Variants in TEAD1 observed in about 807,000 individuals in gnomAD.
The protein encoded by TEAD1 is transcriptional enhancer factor TEF-1.
TEAD1 carries 9 observed loss-of-function variants against 54.9 expected under a neutral mutation model. The ratio of observed to expected loss-of-function variants is 0.16; its 90% CI spans 0.10 to 0.29. The LOEUF (loss-of-function observed/expected upper bound fraction) is 0.29. TEAD1 is among the 10% of genes least tolerant of loss of function. The probability of loss-of-function intolerance (pLI) is 1.00; values close to 1 mark genes in which losing one functional copy is unlikely to be tolerated. For missense variants in TEAD1, 387 were observed against 535.9 expected (o/e 0.72, Z 2.74); for synonymous variants, 200 against 187.8 (o/e 1.07, Z -0.53).
rs1172858032 is a variant in TEAD1, at chr11:12,940,876, T to G, written c.*3654T>G. On this transcript the variant is annotated 3_prime_UTR_variant, in exon 13 of 13. Coordinates refer to ENST00000527636, the MANE Select transcript of TEAD1 (RefSeq NM_021961.6). Reference sequence around the variant, plus strand: ...CTCTGGAACATTTCACCTTTAGAGATGGAGGATGGAAGGATTGGTACCAGA... The same window carrying G: ...CTCTGGAACATTTCACCTTTAGAGAGGGAGGATGGAAGGATTGGTACCAGA... 6.6e-6 allele frequency: 1 copy of G among 152,188 alleles called. No homozygotes were observed. The highest frequency in any genetic ancestry group is 2.4e-5 in the African/African-American group (1 of 41,446). The allele number at this position is 152,188 out of a possible 1,614,324, so 9.4% of individuals were successfully genotyped here.
At position 12,923,777 on chromosome 11, in the gene TEAD1, T is replaced by C. The variant is rs760383770; in HGVS notation, c.874-1135T>C. 7.9e-5 allele frequency among the ~76,000 whole-genome samples: 12 copies of C among 152,194 alleles called. No homozygotes were observed. In the East Asian group the frequency reaches 1.2e-3, roughly 15 times the overall value. ...AGCTTACTCCTGAAAGCCCTACTTA[T>C]AGCAGCGTTAACCCATATGCAAGGG... On this transcript the variant is annotated intron_variant, in intron 10 of 12. Coordinates refer to ENST00000527636, the MANE Select transcript of TEAD1 (RefSeq NM_021961.6).
At chr11:12,746,977 A>C (rs530843104) in intron 2 of TEAD1, among the ~76,000 whole-genome samples, 2 of 152,276 alleles carry the variant, frequency 1.3e-5, no homozygotes, top group East Asian at 3.9e-4. Flanking sequence ...GGTTAAAGAA[A>C]GGTGGAGTTG....
chr11:12,779,660 T>C (rs992089248), intron 3 of TEAD1, among the ~76,000 whole-genome samples: 2 of 152,170 alleles, frequency 1.3e-5, no homozygotes, highest in African/African-American at 2.4e-5. Flanking sequence ...ATATCCCTTA[T>C]GAATATAGAT....
At chr11:12,851,053 C>A (rs1947263481) in intron 3 of TEAD1, 5 of 956,538 alleles carry the variant, frequency 5.2e-6, no homozygotes, top group Non-Finnish European at 6.2e-6. Context: ...TTTTCTAGAT[C>A]TTTTCTTCGG....
chr11:12,925,167 A>G (rs959089578), intron 11 of TEAD1, 115 bp downstream of exon 11: 7 of 1,211,712 alleles, frequency 5.8e-6, no homozygotes, highest in Non-Finnish European at 8.3e-6. Flanking sequence ...TACCTTCTGT[A>G]TTAGTCCATT....
At chr11:12,911,895 GGAGCGTAC>G (rs1196091992) in intron 10 of TEAD1, among the ~76,000 whole-genome samples, 1 of 151,992 alleles carries the variant, frequency 6.6e-6, no homozygotes, top group Non-Finnish European at 1.5e-5. Context: ...CCTTTCTAAG[GGAGCGTAC>G]CCTGTCTGTG....
At chr11:12,787,214 C>G (rs1945696757) in intron 3 of TEAD1, among the ~76,000 whole-genome samples, 1 of 152,202 alleles carries the variant, frequency 6.6e-6, no homozygotes, top group African/African-American at 2.4e-5. Flanking sequence ...GACCTGCATG[C>G]CATTTGGAAT....
chr11:12,750,269 A>G (rs1035217894), intron 2 of TEAD1, among the ~76,000 whole-genome samples: 18 of 151,952 alleles, frequency 1.2e-4, no homozygotes, highest in Non-Finnish European at 2.9e-5. Flanking sequence ...CTCTTTAGGG[A>G]TGAGGGGAGT....
At chr11:12,769,123 C>T (rs1288240821) in intron 3 of TEAD1, among the ~76,000 whole-genome samples, 1 of 152,124 alleles carries the variant, frequency 6.6e-6, no homozygotes, top group Non-Finnish European at 1.5e-5. Context: ...AAGCAGATGT[C>T]TTCAGGATCC....
At chr11:12,785,752 T>C (rs1485880558) in intron 3 of TEAD1, among the ~76,000 whole-genome samples, 3 of 152,192 alleles carry the variant, frequency 2.0e-5, no homozygotes, top group Non-Finnish European at 2.9e-5. Context: ...GGATCTCCCA[T>C]GTTGGAGGGT....
At chr11:12,738,227 A>G (rs891239835) in intron 2 of TEAD1, among the ~76,000 whole-genome samples, 1 of 152,206 alleles carries the variant, frequency 6.6e-6, no homozygotes, top group African/African-American at 2.4e-5. Context: ...AATACTGTGC[A>G]TGTACCAGCT....
At chr11:12,688,931 T>A (rs1447484020) in intron 2 of TEAD1, among the ~76,000 whole-genome samples, 1 of 152,108 alleles carries the variant, frequency 6.6e-6, no homozygotes, top group East Asian at 1.9e-4. Flanking sequence ...TTATTTGCCT[T>A]TTCGTCTTCC....
rs778982351 is a variant in TEAD1, at chr11:12,764,200, C to T, written c.-33C>T. ...CTAGGTTTATTTTCTTGAAAAGGCT[C>T]CAGGCTTCGGCTTGGAAAATCCCAC... On this transcript the variant is annotated 5_prime_UTR_variant, in exon 3 of 13. Coordinates refer to ENST00000527636, the MANE Select transcript of TEAD1 (RefSeq NM_021961.6). 4 of 1,607,110 alleles carry T rather than the reference C, an allele frequency of 2.5e-6. No homozygotes were observed. Among genetic ancestry groups the T allele is most frequent in the African/African-American group, 2.7e-5 (2 of 74,638 alleles).
intron 5 of TEAD1, among the ~76,000 whole-genome samples, chr11:12,875,219 T>C (rs1947830518): frequency 6.6e-6 from 1 of 152,234 alleles, no homozygotes; most frequent in South Asian, 2.1e-4. Flanking sequence ...CTTGTTTGGA[T>C]AGATTAGCCT....
chr11:12,753,926 G>A (rs1256671793), intron 2 of TEAD1, among the ~76,000 whole-genome samples: 1 of 152,024 alleles, frequency 6.6e-6, no homozygotes, highest in Non-Finnish European at 1.5e-5. Flanking sequence ...TGTGTGGTGG[G>A]GTCAATTTTT....
chr11:12,926,824 G>A (rs181670174), intron 11 of TEAD1, among the ~76,000 whole-genome samples: 237 of 152,286 alleles, frequency 1.6e-3, no homozygotes, highest in African/African-American at 5.4e-3. Context: ...AGCCCAGGAG[G>A]TGAGAAGGTG....
chr11:12,766,367 A>C (rs1945207036), intron 3 of TEAD1, among the ~76,000 whole-genome samples: 1 of 152,254 alleles, frequency 6.6e-6, no homozygotes, highest in African/African-American at 2.4e-5. Context: ...ATTGTATAAG[A>C]GCTCTTGTTG....
chr11:12,707,078 C>T (rs549024053), intron 2 of TEAD1, among the ~76,000 whole-genome samples: 15 of 140,198 alleles, frequency 1.1e-4, no homozygotes, highest in East Asian at 8.5e-4. Flanking sequence ...GGAGATTTTT[C>T]GGAAGGCTTA....
At chr11:12,902,231 C>T (rs1948436948) in intron 10 of TEAD1, 118 bp downstream of exon 10, 1 of 1,369,074 alleles carries the variant, frequency 7.3e-7, no homozygotes, top group Admixed American at 1.7e-5. Flanking sequence ...TCATGTGCTT[C>T]TGCACAATTG....
Sources: allele counts gnomAD v4.1 joint callset (sites outside exome capture counted in the v4.1 genomes callset), GRCh38; gene constraint gnomAD v4.1.1; transcripts MANE v1.5; gene names NCBI Gene and HGNC (gene_info 2026-07-23, HGNC 2026-07-21).